SLIT3: variants seen among roughly 807,000 people sequenced by gnomAD.
The protein encoded by SLIT3 is slit guidance ligand 3, also known as slit homolog 3 protein.
SLIT3 carries 68 observed loss-of-function variants against 184.0 expected under a neutral mutation model. That is an observed-to-expected ratio of 0.37 (90% CI 0.30 to 0.45). SLIT3 has a LOEUF of 0.45. Ranked by LOEUF, SLIT3 falls within the 20% of genes least tolerant of loss-of-function variation. The probability of loss-of-function intolerance (pLI) is 1.00; values close to 1 mark genes in which losing one functional copy is unlikely to be tolerated. For synonymous variants in SLIT3, 831 were observed against 828.6 expected, an observed-to-expected ratio of 1.00 and a Z score of -0.05; for missense variants, 1,707 against 2,026.0, an observed-to-expected ratio of 0.84 and a Z score of 3.02.
At chr5:168,962,823 C>A (rs796430280) in intron 4 of SLIT3, among the ~76,000 whole-genome samples, 2 of 152,172 alleles carry the variant, frequency 1.3e-5, no homozygotes, top group South Asian at 4.1e-4. Flanking sequence ...GCCTTTGAAC[C>A]TGTGGTTCTC....
chr5:169,034,625 G>A (rs1239780277), intron 4 of SLIT3, among the ~76,000 whole-genome samples: 1 of 152,092 alleles, frequency 6.6e-6, no homozygotes, highest in Non-Finnish European at 1.5e-5. Flanking sequence ...TGGCCAAGTG[G>A]TGCCTTGGAA....
In SLIT3 at chr5:168,804,500, C is replaced by T. The variant is rs540414496; in HGVS notation, c.935+1946G>A. 2.6e-5 allele frequency among the ~76,000 whole-genome samples: 4 copies of T among 152,062 alleles called. No individual in the cohort carries two copies. In the South Asian group the frequency reaches 6.3e-4, roughly 24 times the overall value. ...GACTAAGTAGATTCCGTAGAGGGAG[C>T]GCTCTCTAAAGCTAGAGCACTGGAC... On this transcript the variant is annotated intron_variant, in intron 9 of 35. Coordinates refer to ENST00000519560, the MANE Select transcript of SLIT3 (RefSeq NM_003062.4).
At position 168,823,177 on chromosome 5, in the gene SLIT3, A is replaced by G; in HGVS notation, c.629+83T>C. 4 of 1,030,902 alleles carry G rather than the reference A, an allele frequency of 3.9e-6. No homozygotes were observed. In the South Asian group the frequency reaches 5.0e-5, roughly 13 times the overall value. The allele number at this position is 1,030,902 out of a possible 1,614,324, so 63.9% of individuals were successfully genotyped here. On this transcript the variant is annotated intron_variant, in intron 7 of 35. Coordinates refer to ENST00000519560, the MANE Select transcript of SLIT3 (RefSeq NM_003062.4). ...ACCATCTGCCTAGTCATAGCATGGT[A>G]GGTTTGACAAGCAGCGTAGAGTGCT...
chr5:169,241,932 A>AC (rs1426398406), intron 3 of SLIT3, among the ~76,000 whole-genome samples: 4 of 152,314 alleles, frequency 2.6e-5, no homozygotes, highest in African/African-American at 9.6e-5. Flanking sequence ...ATGACTACTC[A>AC]GAGTGGAAAT....
chr5:168,973,132 A>AT (rs34549496), intron 4 of SLIT3, among the ~76,000 whole-genome samples: 69,164 of 152,050 alleles, frequency 0.45, 16,241 homozygotes, highest in African/African-American at 0.54. Flanking sequence ...CCTTGTTTCC[A>AT]TGACAGCCAT....
chr5:169,243,333 G>A (rs778259020), intron 3 of SLIT3, among the ~76,000 whole-genome samples: 2 of 152,136 alleles, frequency 1.3e-5, no homozygotes, highest in Non-Finnish European at 2.9e-5. Flanking sequence ...AAGGAACCAG[G>A]TTCAACAAAT....
At chr5:169,265,686 A>G (rs1248094193) in intron 1 of SLIT3, among the ~76,000 whole-genome samples, 2 of 152,056 alleles carry the variant, frequency 1.3e-5, no homozygotes, top group Non-Finnish European at 2.9e-5. Flanking sequence ...CACAGTACCT[A>G]CCTCCTAGGA....
At chr5:169,267,723 A>G (rs1485763536) in intron 1 of SLIT3, among the ~76,000 whole-genome samples, 2 of 152,224 alleles carry the variant, frequency 1.3e-5, no homozygotes, top group Non-Finnish European at 2.9e-5. Flanking sequence ...GCCACAAAAT[A>G]TCGGCAACAG....
intron 4 of SLIT3, among the ~76,000 whole-genome samples, chr5:169,081,326 G>T (rs2113161421): frequency 6.6e-6 from 1 of 152,288 alleles, no homozygotes; most frequent in Middle Eastern, 3.4e-3. Flanking sequence ...AGTGCAGCCA[G>T]CGGGGCAGCT....
chr5:169,094,626 T>A (rs1759712032), intron 4 of SLIT3, among the ~76,000 whole-genome samples: 1 of 151,928 alleles, frequency 6.6e-6, no homozygotes, highest in East Asian at 1.9e-4. Flanking sequence ...CAAGACTCAG[T>A]CTCAAAAAAA....
chr5:168,909,249 G>A lies in SLIT3; in HGVS notation c.414-25913C>T, dbSNP rs534607216. 2.6e-4 allele frequency among the ~76,000 whole-genome samples: 40 copies of A among 152,308 alleles called. 1 individual carries two copies. The highest frequency in any genetic ancestry group is 9.1e-4 in the African/African-American group (38 of 41,574). ...TTTATGGATTCCTCCTTTGCTTACA[G>A]CATGTGTTGGAAACTGGTGTTTAAT... On this transcript the variant is annotated intron_variant, in intron 4 of 35. Coordinates refer to ENST00000519560, the MANE Select transcript of SLIT3 (RefSeq NM_003062.4).
At chr5:168,761,011 C>T in intron 15 of SLIT3, 75 bp from the exon 16 acceptor site, 1 of 1,096,180 alleles carries the variant, frequency 9.1e-7, no homozygotes, top group Non-Finnish European at 1.4e-6. Context: ...GGCTTTGCTG[C>T]ATTGCTGCCT....
At chr5:168,885,004 C>G (rs956524180) in intron 4 of SLIT3, among the ~76,000 whole-genome samples, 1 of 152,174 alleles carries the variant, frequency 6.6e-6, no homozygotes, top group South Asian at 2.1e-4. Flanking sequence ...AGACATCAGA[C>G]GACTGCCCTC....
At chr5:168,990,169 T>C (rs1755272766) in intron 4 of SLIT3, among the ~76,000 whole-genome samples, 1 of 152,194 alleles carries the variant, frequency 6.6e-6, no homozygotes, top group Non-Finnish European at 1.5e-5. Flanking sequence ...TCCATCAGGA[T>C]GTCCATCTTG....
chr5:169,232,190 G>A (rs1473245580), intron 3 of SLIT3, among the ~76,000 whole-genome samples: 1 of 151,936 alleles, frequency 6.6e-6, no homozygotes, highest in African/African-American at 2.4e-5. Flanking sequence ...TCTGTGCCTT[G>A]CTTATGAAAT....
intron 4 of SLIT3, among the ~76,000 whole-genome samples, chr5:169,143,798 A>G (rs530649989): frequency 4.6e-5 from 7 of 152,210 alleles, no homozygotes; most frequent in Non-Finnish European, 8.8e-5. Flanking sequence ...AGAAAACGAA[A>G]AAAAACAACA....
At chr5:169,120,701 T>C (rs1352481098) in intron 4 of SLIT3, among the ~76,000 whole-genome samples, 1 of 152,214 alleles carries the variant, frequency 6.6e-6, no homozygotes, top group Non-Finnish European at 1.5e-5. Flanking sequence ...GACTTGCACC[T>C]TGCACACGTG....
At chr5:168,755,865 C>G (rs1279662310) in intron 16 of SLIT3, among the ~76,000 whole-genome samples, 1 of 152,174 alleles carries the variant, frequency 6.6e-6, no homozygotes, top group Non-Finnish European at 1.5e-5. Flanking sequence ...GCCATTAGCA[C>G]TGCGAGTTAG....
chr5:169,000,526 C>T (rs1755670212), intron 4 of SLIT3, among the ~76,000 whole-genome samples: 1 of 151,438 alleles, frequency 6.6e-6, no homozygotes, highest in Non-Finnish European at 1.5e-5. Context: ...ATAAAAAACT[C>T]ACAGAAAGTG....
Sources: allele counts gnomAD v4.1 joint callset (sites outside exome capture counted in the v4.1 genomes callset), GRCh38; gene constraint gnomAD v4.1.1; transcripts MANE v1.5; gene names NCBI Gene and HGNC (gene_info 2026-07-23, HGNC 2026-07-21).